Variants in RARB observed in about 807,000 individuals in gnomAD.
RARB encodes the protein HBV-activated protein.
A neutral mutation model predicts 51.9 loss-of-function variants in RARB; 17 were observed. The ratio of observed to expected loss-of-function variants is 0.33; its 90% confidence interval spans 0.22 to 0.49. The LOEUF is 0.49. Among genes scored for constraint, RARB ranks in the 20% least tolerant of loss-of-function variants. RARB has a pLI of 0.99. For missense variants in RARB, 369 were observed against 550.8 expected, an observed-to-expected ratio of 0.67 and a Z score of 3.30; for synonymous variants, 215 against 195.4, an observed-to-expected ratio of 1.10 and a Z score of -0.84.
chr3:25,174,580 G>A, intron 5 of RARB: 4 of 1,352,070 alleles, frequency 3.0e-6, no homozygotes, highest in Non-Finnish European at 2.9e-6. Flanking sequence ...CGGCAAGTAA[G>A]TCCTGCTGGA....
chr3:24,859,702 G>T (rs1032147463), intron 2 of RARB, among the ~76,000 whole-genome samples: 1 of 152,194 alleles, frequency 6.6e-6, no homozygotes, highest in South Asian at 2.1e-4. Flanking sequence ...GGACTTGGAA[G>T]TTTATATCAT....
chr3:25,570,350 T>A (rs907718233), intron 4 of RARB, among the ~76,000 whole-genome samples: 2 of 152,104 alleles, frequency 1.3e-5, no homozygotes, highest in African/African-American at 4.8e-5. Context: ...CGGGGCCTGA[T>A]CTTTTAAAAA....
At chr3:25,408,327 A>T (rs1707469476) in intron 5 of RARB, among the ~76,000 whole-genome samples, 1 of 152,092 alleles carries the variant, frequency 6.6e-6, no homozygotes, top group South Asian at 2.1e-4. Context: ...GCCTCAGGAA[A>T]CTTACAATCA....
intron 2 of RARB, among the ~76,000 whole-genome samples, chr3:24,921,290 T>A (rs1243042552): frequency 6.6e-6 from 1 of 152,158 alleles, no homozygotes; most frequent in Non-Finnish European, 1.5e-5. Context: ...ATTCTGTAGC[T>A]GAAAAAATTG....
chr3:25,469,038 T>C (rs1376339875), intron 2 of RARB, among the ~76,000 whole-genome samples: 6 of 152,202 alleles, frequency 3.9e-5, no homozygotes, highest in Non-Finnish European at 8.8e-5. Flanking sequence ...AGCAGTCTTT[T>C]AAGAGTTTAA....
chr3:25,169,934 AC>A (rs1332193210), intron 4 of RARB, among the ~76,000 whole-genome samples: 1 of 150,340 alleles, frequency 6.7e-6, no homozygotes, highest in Non-Finnish European at 1.5e-5. Context: ...GCTGCAGGGA[AC>A]TGTGATTGTG....
chr3:25,380,554 C>G (rs1472798725), intron 5 of RARB, among the ~76,000 whole-genome samples: 1 of 152,058 alleles, frequency 6.6e-6, no homozygotes, highest in African/African-American at 2.4e-5. Context: ...AAGATTTATC[C>G]TGCATGCCAA....
intron 5 of RARB, among the ~76,000 whole-genome samples, chr3:25,405,606 G>A (rs1035999979): frequency 1.3e-5 from 2 of 152,184 alleles, no homozygotes; most frequent in Non-Finnish European, 2.9e-5. Flanking sequence ...CTAGATCTGT[G>A]TTGTAAAATA....
At chr3:25,014,061 A>G (rs1389037570) in intron 2 of RARB, among the ~76,000 whole-genome samples, 1 of 152,112 alleles carries the variant, frequency 6.6e-6, no homozygotes, top group Non-Finnish European at 1.5e-5. Context: ...TGAGAGCCAG[A>G]AACTCAAAAC....
chr3:25,058,821 G>A (rs1316030372), intron 2 of RARB, among the ~76,000 whole-genome samples: 1 of 151,370 alleles, frequency 6.6e-6, no homozygotes, highest in East Asian at 1.9e-4. Context: ...ATATAGATTT[G>A]ACAGGTCCCT....
intron 3 of RARB, among the ~76,000 whole-genome samples, chr3:25,507,102 G>T (rs1367068850): frequency 6.6e-6 from 1 of 152,148 alleles, no homozygotes; most frequent in Non-Finnish European, 1.5e-5. Context: ...TCCATGAACC[G>T]CAAACTTATT....
chr3:25,423,970 G>T (rs897918087), upstream of RARB, among the ~76,000 whole-genome samples: 1 of 152,128 alleles, frequency 6.6e-6, no homozygotes. Context: ...AGTCATCGAC[G>T]GCAGAAAGCA....
chr3:25,405,567 G>A (rs1392693984), intron 5 of RARB, among the ~76,000 whole-genome samples: 1 of 152,184 alleles, frequency 6.6e-6, no homozygotes, highest in Non-Finnish European at 1.5e-5. Flanking sequence ...GCAATGTGGA[G>A]TGAGGCCAGG....
At chr3:25,202,172 T>C (rs1333807594) in intron 5 of RARB, among the ~76,000 whole-genome samples, 1 of 152,168 alleles carries the variant, frequency 6.6e-6, no homozygotes, top group Non-Finnish European at 1.5e-5. Flanking sequence ...GGAGGGTGTA[T>C]GTGTCAAGGA....
intron 3 of RARB, among the ~76,000 whole-genome samples, chr3:25,516,580 AATTT>A (rs974667161): frequency 3.0e-4 from 45 of 151,470 alleles, no homozygotes; most frequent in African/African-American, 1.0e-3. Context: ...CCATCAGAGT[AATTT>A]ATTTGTGAGT....
At chr3:24,987,070 C>T (rs1163879805) in intron 2 of RARB, among the ~76,000 whole-genome samples, 3 of 152,138 alleles carry the variant, frequency 2.0e-5, no homozygotes, top group Non-Finnish European at 2.9e-5. Context: ...TTAATCACTT[C>T]GCTTTTGGTG....
At chr3:25,189,267 C>T (rs906892106) in intron 5 of RARB, among the ~76,000 whole-genome samples, 11 of 152,096 alleles carry the variant, frequency 7.2e-5, no homozygotes, top group Admixed American at 6.5e-4. Flanking sequence ...CTCTGACAGT[C>T]TAAGTTTAAT....
chr3:25,544,965 G>A (rs1447021676), intron 3 of RARB, among the ~76,000 whole-genome samples: 1 of 151,544 alleles, frequency 6.6e-6, no homozygotes, highest in Non-Finnish European at 1.5e-5. Flanking sequence ...TGTTGTTGTT[G>A]TTGTTGTTTT....
chr3:24,968,665 C>G (rs759314440), intron 2 of RARB, among the ~76,000 whole-genome samples: 1 of 152,058 alleles, frequency 6.6e-6, no homozygotes, highest in African/African-American at 2.4e-5. Flanking sequence ...CTCCCATAGC[C>G]TAACCCAGAC....
Sources: allele counts gnomAD v4.1 joint callset (sites outside exome capture counted in the v4.1 genomes callset), GRCh38; gene constraint gnomAD v4.1.1; transcripts MANE v1.5; gene names NCBI Gene and HGNC (gene_info 2026-07-23, HGNC 2026-07-21).